Variants in LRP5 observed in about 807,000 individuals in gnomAD.
LRP5 encodes the protein LDL receptor related protein 5.
In LRP5, 62 loss-of-function variants were observed where a neutral mutation model predicts 154.1. That is an observed-to-expected ratio of 0.40 (90% CI 0.33 to 0.50). The LOEUF (loss-of-function observed/expected upper bound fraction) is 0.50, where lower values mean the gene tolerates loss of function less well. Ranked by LOEUF, LRP5 falls within the 20% of genes least tolerant of loss-of-function variation. The pLI, the probability that LRP5 is intolerant of heterozygous loss-of-function variation, is 0.55. For synonymous variants in LRP5, 966 were observed against 1,011.5 expected (o/e 0.96, Z 0.85); for missense variants, 1,915 against 2,336.7 (o/e 0.82, Z 3.72).
intron 3 of LRP5, among the ~76,000 whole-genome samples, chr11:68,362,310 A>G (rs568435199): frequency 3.3e-5 from 5 of 152,154 alleles, no homozygotes; most frequent in Admixed American, 6.6e-5. Context: ...CTGTGGGGCA[A>G]TGGAAGTGCT....
In LRP5 at chr11:68,427,026, C is replaced by CCG. The variant is rs1337026092; in HGVS notation, c.3637+840_3637+841insGC. On this transcript the variant is annotated intron_variant, in intron 16 of 22. Transcript: ENST00000294304. ...TGGGGGCTCCCTGCGTCAGTCCCTC[C>CCG]CACACCTTGAGTCTCTCTGATTTGC... 7.1e-3 allele frequency among the ~76,000 whole-genome samples: 1,085 copies of CCG among 152,310 alleles called. 11 individuals are homozygous for CCG. Among genetic ancestry groups the CCG allele is most frequent in the African/African-American group, 0.024 (1,017 of 41,560 alleles).
chr11:68,399,218 A>T (rs1292772812), intron 7 of LRP5, among the ~76,000 whole-genome samples: 1 of 151,922 alleles, frequency 6.6e-6, no homozygotes, highest in African/African-American at 2.4e-5. Context: ...ATATATATTT[A>T]AAAAGTATTG....
Position 68,425,173 on chromosome 11 carries a change from G to T in LRP5, c.3308G>T (p.Arg1103Leu), listed in dbSNP as rs566582167. The change falls in exon 15 of 23, where the codon CGC becomes CTC. Residue 1103 changes from arginine (R) to leucine (L), a missense_variant. By Grantham distance (102) the Arg-to-Leu change is moderately radical. Coordinates refer to ENST00000294304, the MANE Select transcript of LRP5 (RefSeq NM_002335.4). ...CGCGCAGCCCTGGACGGCACCGAGC[G>T]CGAGGTCCTCTTCACCACCGGCCTC... ...IERAALDGTE[R>L]EVLFTTGLIR... The T allele has an allele frequency of 1.2e-6, 2 of 1,613,676 alleles. No individual in the cohort carries two copies. Among genetic ancestry groups the T allele is most frequent in the Non-Finnish European group, 1.7e-6 (2 of 1,179,988 alleles).
chr11:68,302,947 C>T, the LRP5 span, among the ~76,000 whole-genome samples: 1 of 152,146 alleles, frequency 6.6e-6, no homozygotes, highest in South Asian at 2.1e-4. Context: ...ACCCACAAGG[C>T]CCCAGAGCCA....
At chr11:68,419,767 C>T (rs2098664526) in intron 13 of LRP5, among the ~76,000 whole-genome samples, 1 of 151,930 alleles carries the variant, frequency 6.6e-6, no homozygotes, top group African/African-American at 2.4e-5. Flanking sequence ...TGGTCTTGAA[C>T]TCCTAACCTG....
chr11:68,421,412 T>C (rs1013707730), intron 13 of LRP5, among the ~76,000 whole-genome samples: 12 of 152,160 alleles, frequency 7.9e-5, no homozygotes, highest in African/African-American at 2.7e-4. Flanking sequence ...TCCCAAAGTC[T>C]GTTTTTGCAT....
Position 68,386,705 on chromosome 11 carries a change from G to C in LRP5, c.1405G>C (p.Val469Leu), listed in dbSNP as rs771321752. The C allele has an allele frequency of 6.2e-7, 1 of 1,612,966 alleles. No individual in the cohort carries two copies. Among genetic ancestry groups the C allele is most frequent in the Non-Finnish European group, 8.5e-7 (1 of 1,179,806 alleles). Residue 469 changes from valine (V) to leucine (L), a missense_variant, in exon 6 of 23, where the codon GTG becomes CTG. Around this residue, in one of 3 missense-constraint regions of LRP5, gnomAD observed 773 missense variants for 1,100.9 expected, o/e 0.70. Coordinates refer to ENST00000294304, the MANE Select transcript of LRP5 (RefSeq NM_002335.4). The surrounding 1 kb of genome is among the most constrained non-coding windows in gnomAD (Gnocchi z 7.9). ...GCCCCGAGCCATCGCACTGCACCCC[G>C]TGATGGGGTAAGACGGGCGGGGGCT... ...DEPRAIALHPVMGLMYWTDWG... is the reference protein window; with the variant it reads ...DEPRAIALHPLMGLMYWTDWG...
In LRP5 at chr11:68,344,025, A is replaced by AGGT. The variant is rs1435442484; in HGVS notation, c.92-3821_92-3820insGTG. Among the ~76,000 whole-genome samples the AGGT allele has an allele frequency of 1.3e-4, 20 of 152,180 alleles. No homozygotes were observed. The East Asian group carries it at 3.9e-3, about 30-fold the overall frequency. On this transcript the variant is annotated intron_variant, in intron 1 of 22. Coordinates refer to ENST00000294304, the MANE Select transcript of LRP5 (RefSeq NM_002335.4). ...ATGCAGACCTCTCAGCTGGTGTTCCAGAGCAGCTGCCTTCCCCCGCCCGAG... is the reference window on the plus strand; with the variant it reads ...ATGCAGACCTCTCAGCTGGTGTTCCAGGTGAGCAGCTGCCTTCCCCCGCCCGAG...
At chr11:68,436,816 T>C in intron 18 of LRP5, 73 bp from the exon 19 acceptor site, 2 of 1,067,970 alleles carry the variant, frequency 1.9e-6, no homozygotes, top group South Asian at 2.5e-5. Context: ...GTCCAGACCT[T>C]GGTTGCTGTG....
chr11:68,341,321 G>A (rs888919973), intron 1 of LRP5, among the ~76,000 whole-genome samples: 1 of 151,970 alleles, frequency 6.6e-6, no homozygotes, highest in African/African-American at 2.4e-5. Context: ...GCCGGGCCCA[G>A]CTGCTTCAGC....
chr11:68,429,151 G>A (rs1468357770), intron 16 of LRP5, among the ~76,000 whole-genome samples: 2 of 150,434 alleles, frequency 1.3e-5, no homozygotes, highest in East Asian at 2.0e-4. Context: ...TACTCAAGAG[G>A]CTGAGGCAGG....
At chr11:68,431,458 T>A (rs1259903383) in intron 17 of LRP5, among the ~76,000 whole-genome samples, 2 of 152,054 alleles carry the variant, frequency 1.3e-5, no homozygotes, top group Non-Finnish European at 2.9e-5. Flanking sequence ...CAGGATGGTC[T>A]TGAACTCCTG....
At chr11:68,300,876 T>C in the LRP5 span, among the ~76,000 whole-genome samples, 1 of 149,858 alleles carries the variant, frequency 6.7e-6, no homozygotes, top group Admixed American at 6.7e-5. Context: ...ATTTTTTCTT[T>C]ACAGTGACTA....
chr11:68,358,227 C>T (rs1438409258), intron 3 of LRP5, among the ~76,000 whole-genome samples: 37 of 152,118 alleles, frequency 2.4e-4, no homozygotes, highest in African/African-American at 7.2e-4. Context: ...GCGATCCTCC[C>T]GCCTCAGCCT....
intron 7 of LRP5, among the ~76,000 whole-genome samples, chr11:68,401,987 G>T (rs1293987825): frequency 6.6e-6 from 1 of 152,174 alleles, no homozygotes; most frequent in Non-Finnish European, 1.5e-5. Flanking sequence ...ATCACACTGT[G>T]CCTGGCCCTA....
Position 68,438,469 on chromosome 11 carries a change from G to A in LRP5, c.4135G>A (p.Asp1379Asn), listed in dbSNP as rs1008752977. 7 of 1,614,156 alleles carry A rather than the reference G, an allele frequency of 4.3e-6. No homozygotes were observed. Among genetic ancestry groups the A allele is most frequent in the Middle Eastern group, 1.6e-4 (1 of 6,062 alleles). The part of the protein sequence containing the change: ...MCEITKPPSD[D>N]SPAHSSAIGP... ...AGAAATCACCAAGCCGCCCTCAGACGACAGCCCGGCCCACAGCAGTGCCAT... is the reference window on the plus strand; with the variant it reads ...AGAAATCACCAAGCCGCCCTCAGACAACAGCCCGGCCCACAGCAGTGCCAT... Residue 1379 changes from aspartate to asparagine, a missense_variant, in exon 20 of 23, where the codon GAC becomes AAC. Asp to Asn is a conservative substitution (Grantham distance 23, BLOSUM62 1). Transcript: ENST00000294304.
chr11:68,306,747 C>A, the LRP5 span, among the ~76,000 whole-genome samples: 1 of 152,244 alleles, frequency 6.6e-6, no homozygotes, highest in African/African-American at 2.4e-5. Context: ...TTTTTCACTG[C>A]AGATTATTTT....
At chr11:68,382,622 A>G (rs1251564806) in intron 5 of LRP5, among the ~76,000 whole-genome samples, 1 of 152,142 alleles carries the variant, frequency 6.6e-6, no homozygotes, top group Non-Finnish European at 1.5e-5. Flanking sequence ...GCCTGGCCTG[A>G]ACTAGCTTCC....
At chr11:68,395,488 C>T (rs979212735) in intron 7 of LRP5, among the ~76,000 whole-genome samples, 19 of 151,928 alleles carry the variant, frequency 1.3e-4, no homozygotes, top group East Asian at 5.8e-4. Context: ...GGAGTGATGG[C>T]GCAGGGCACG....
Sources: gnomAD v4.1 joint callset for allele counts (sites outside exome capture counted in the v4.1 genomes callset) on GRCh38, gnomAD v4.1.1 for gene constraint, gnomAD v4.1.1 regional missense constraint, Gnocchi (gnomAD v3.1) non-coding constraint, MANE v1.5 for transcripts, NCBI Gene and HGNC (gene_info 2026-07-23, HGNC 2026-07-21) for gene names.